Variants in NAV1 observed in about 807,000 individuals in gnomAD.
The protein encoded by NAV1 is pore membrane and/or filament interacting like protein 3.
A neutral mutation model predicts 175.2 loss-of-function variants in NAV1; 18 were observed. The observed-to-expected ratio is 0.10, with a 90% CI of 0.07 to 0.15. The LOEUF is 0.15. Ranked by LOEUF, NAV1 falls within the 10% of genes least tolerant of loss-of-function variation. The pLI is 1.00. For synonymous variants in NAV1, 897 were observed against 978.7 expected (o/e 0.92, Z 1.56); for missense variants, 1,731 against 2,436.6 (o/e 0.71, Z 6.10).
intron 2 of NAV1, among the ~76,000 whole-genome samples, chr1:201,634,219 T>C (rs1668552545): frequency 1.3e-5 from 2 of 152,184 alleles, no homozygotes; most frequent in South Asian, 4.1e-4. Context: ...ATTAAATGCA[T>C]GGATATTGGT....
At chr1:201,811,312 G>A (rs1041027573) in intron 24 of NAV1, among the ~76,000 whole-genome samples, 4 of 152,076 alleles carry the variant, frequency 2.6e-5, no homozygotes, top group African/African-American at 4.8e-5. Flanking sequence ...TTCCCAGCTC[G>A]GGGAGGCATG....
intron 1 of NAV1, among the ~76,000 whole-genome samples, chr1:201,584,435 T>G (rs614452): frequency 0.099 from 15,073 of 152,252 alleles, 1,004 homozygotes; most frequent in African/African-American, 0.18. Flanking sequence ...GAATGAGAAA[T>G]AATTTTTTTG....
intron 2 of NAV1, among the ~76,000 whole-genome samples, chr1:201,641,562 G>A (rs540833319): frequency 1.1e-4 from 16 of 152,376 alleles, no homozygotes; most frequent in African/African-American, 3.6e-4. Flanking sequence ...AGGACAAAAA[G>A]AAGTGGGGAA....
chr1:201,714,206 C>G (rs540307746), intron 2 of NAV1, among the ~76,000 whole-genome samples: 14 of 152,326 alleles, frequency 9.2e-5, no homozygotes, highest in African/African-American at 2.9e-4. Flanking sequence ...CCACCGCGCC[C>G]GGCCAACTCA....
intron 1 of NAV1, among the ~76,000 whole-genome samples, chr1:201,695,466 G>T (rs1409347464): frequency 1.3e-5 from 2 of 152,216 alleles, no homozygotes; most frequent in Non-Finnish European, 2.9e-5. Context: ...ACCAGCCAGG[G>T]GGAAAAGGGG....
intron 1 of NAV1, among the ~76,000 whole-genome samples, chr1:201,684,508 C>T (rs1488355666): frequency 7.5e-6 from 1 of 133,512 alleles, no homozygotes; most frequent in African/African-American, 2.8e-5. Flanking sequence ...GAGTCTCACT[C>T]TTGTCGCCCA....
At chr1:201,815,451 C>T (rs1337327857) in intron 28 of NAV1, among the ~76,000 whole-genome samples, 1 of 152,140 alleles carries the variant, frequency 6.6e-6, no homozygotes, top group Non-Finnish European at 1.5e-5. Flanking sequence ...ACCTGGAGGA[C>T]ATTATGTTAA....
chr1:201,602,745 C>A (rs918480725), intron 2 of NAV1, among the ~76,000 whole-genome samples: 2 of 149,588 alleles, frequency 1.3e-5, no homozygotes, highest in African/African-American at 2.5e-5. Context: ...CCCTTGAGAG[C>A]TGCTCTTGGC....
In NAV1 at chr1:201,794,415, A is replaced by G. The variant is rs371456449; in HGVS notation, c.3406-51A>G. The G allele has an allele frequency of 7.1e-6, 11 of 1,541,646 alleles. No homozygotes were observed. In the African/African-American group the frequency reaches 1.2e-4, roughly 17 times the overall value. On this transcript the variant is annotated intron_variant, in intron 14 of 29. Coordinates refer to ENST00000367296, the Ensembl canonical transcript of NAV1. ...CTCGGCCTCCCAAAGTGCTGGGATT[A>G]TAGGTGTGAGCCACCGTGCCCAGCC...
intron 1 of NAV1, among the ~76,000 whole-genome samples, chr1:201,655,255 C>CCCCAAAGCCCAAAG (rs553434069): frequency 3.9e-5 from 6 of 152,262 alleles, no homozygotes; most frequent in African/African-American, 1.4e-4. Context: ...AAGCTCTCCT[C>CCCCAAAGCCCAAAG]CCCAAAGCCC....
intron 3 of NAV1, among the ~76,000 whole-genome samples, chr1:201,744,345 T>TATTCATTC (rs893947496): frequency 5.5e-4 from 76 of 138,314 alleles, no homozygotes; most frequent in Admixed American, 1.8e-3. Context: ...TTTATTTATT[T>TATTCATTC]ATTCATTCAT....
At chr1:201,749,072 C>T (rs554222266) in intron 3 of NAV1, among the ~76,000 whole-genome samples, 17 of 152,160 alleles carry the variant, frequency 1.1e-4, no homozygotes, top group East Asian at 1.9e-4. Context: ...TGCTTGAAAC[C>T]GGGAGGCGGA....
At chr1:201,791,548 G>C (rs1424880719) in intron 13 of NAV1, 1 of 152,222 alleles carries the variant, frequency 6.6e-6, no homozygotes, top group Non-Finnish European at 1.5e-5. Flanking sequence ...CAACAGCTGA[G>C]CCGGATCTGC....
intron 3 of NAV1, chr1:201,724,000 C>T (rs1201927351): frequency 6.6e-6 from 1 of 152,048 alleles, no homozygotes; most frequent in Non-Finnish European, 1.5e-5. Flanking sequence ...TTTCAATGAC[C>T]CAGTTTTTCG....
upstream of NAV1, among the ~76,000 whole-genome samples, chr1:201,620,674 G>A (rs1289387845): frequency 2.0e-5 from 3 of 151,714 alleles, no homozygotes; most frequent in Non-Finnish European, 4.4e-5. Context: ...TTGCCATGTT[G>A]GTCAGGCTGG....
intron 1 of NAV1, 152 bp downstream of exon 3, chr1:201,623,758 T>TA (rs1158749088): frequency 4.9e-5 from 36 of 741,102 alleles, no homozygotes; most frequent in Non-Finnish European, 5.8e-5. Flanking sequence ...GGTGGAGGCC[T>TA]ACAGAGTTGG....
rs181595184 is a variant in NAV1 at position 201,809,699 on chromosome 1, G to T, written c.4401+162G>T. ...CTTGGGCTTAAGTAATTCTCCTGTC[G>T]CAGCCTCCTGAGTAGCTGGGATTAC... is the stretch of plus-strand genomic sequence containing the variant. On this transcript the variant is annotated intron_variant, in intron 22 of 29. Transcript: ENST00000367296. Among the ~76,000 whole-genome samples the T allele has an allele frequency of 5.3e-4, 80 of 152,200 alleles. No individual in the cohort carries two copies. The East Asian group carries it at 0.014, about 26-fold the overall frequency.
chr1:201,605,018 C>T (rs1300158365), intron 2 of NAV1, among the ~76,000 whole-genome samples: 1 of 151,804 alleles, frequency 6.6e-6, no homozygotes, highest in Non-Finnish European at 1.5e-5. Context: ...CACAGCTATG[C>T]AAATATATTA....
exon 1 of NAV1, chr1:201,648,602 C>T: frequency 7.8e-7 from 1 of 1,277,864 alleles, no homozygotes; most frequent in Non-Finnish European, 9.8e-7. Flanking sequence ...TCCTGCGCTC[C>T]CGCCCCCTGC....
Sources: gnomAD v4.1 joint callset for allele counts (sites outside exome capture counted in the v4.1 genomes callset) on GRCh38, gnomAD v4.1.1 for gene constraint, MANE v1.5 for transcripts, NCBI Gene and HGNC (gene_info 2026-07-23, HGNC 2026-07-21) for gene names.